Variants in ARL15 observed in about 807,000 individuals in gnomAD.
ARL15 encodes ARF like GTPase 15.
Under a neutral mutation model 25.2 loss-of-function variants are expected in ARL15, and 19 were observed. The ratio of observed to expected loss-of-function variants is 0.75; its 90% CI spans 0.53 to 1.10. The LOEUF (loss-of-function observed/expected upper bound fraction) is 1.10, where lower values mean the gene tolerates loss of function less well. Among genes scored for constraint, ARL15 ranks in the 50% least tolerant of loss-of-function variants. ARL15 has a pLI of 0.00. For missense variants in ARL15, 220 were observed against 246.0 expected (o/e 0.89, Z 0.71); for synonymous variants, 94 against 86.8 (o/e 1.08, Z -0.46).
At chr5:54,154,665 A>G (rs1377597899) in intron 2 of ARL15, 26 bp from the exon 3 acceptor site, 1 of 1,403,426 alleles carries the variant, frequency 7.1e-7, no homozygotes. Flanking sequence ...AAAAACATAA[A>G]AAAAGAATTA....
intron 1 of ARL15, chr5:54,282,272 G>A (rs530552020): frequency 8.6e-4 from 848 of 985,366 alleles, no homozygotes; most frequent in Non-Finnish European, 9.7e-4. Context: ...ATTGCTTACC[G>A]TGTAAATCCC....
intron 1 of ARL15, among the ~76,000 whole-genome samples, chr5:54,307,227 T>C (rs1012638674): frequency 6.6e-6 from 1 of 152,208 alleles, no homozygotes; most frequent in Non-Finnish European, 1.5e-5. Flanking sequence ...AAGGATTATA[T>C]CTTGATCATC....
Position 54,090,492 on chromosome 5 carries a change from A to C in ARL15, c.462+22710T>G, listed in dbSNP as rs1277736364. On this transcript the variant is annotated intron_variant, in intron 4 of 4. Transcript: ENST00000504924. ...GTTACTTCTAGGTGGGAGGTAGAGG[A>C]TGCATGAAAATGAGGGGCTCAGAGA... Among the ~76,000 whole-genome samples, 5 of 151,774 alleles carry C rather than the reference A, an allele frequency of 3.3e-5. No homozygotes were observed. The East Asian group carries it at 7.7e-4, about 23-fold the overall frequency.
In ARL15 at chr5:54,310,552, A is replaced by T; in HGVS notation, c.-73T>A. On this transcript the variant is annotated 5_prime_UTR_variant, in exon 1 of 5. Transcript: ENST00000504924. Reference sequence around the variant, plus strand: ...GCAGCGTCTCTGGCTGCGAGCGAGCAGCTCCTGAAAAAGCCAGCAACAGCG... The same window carrying T: ...GCAGCGTCTCTGGCTGCGAGCGAGCTGCTCCTGAAAAAGCCAGCAACAGCG... 6.6e-7 allele frequency: 1 copy of T among 1,513,804 alleles called. No individual in the cohort carries two copies. The highest frequency in any genetic ancestry group is 8.9e-7 in the Non-Finnish European group (1 of 1,119,488). The allele number at this position is 1,513,804 out of a possible 1,614,324, so 93.8% of individuals were successfully genotyped here. A position where few individuals can be genotyped will look rare whatever the true frequency, so the allele number is the denominator to read the frequency against.
rs1374230600 is a variant in ARL15, at chr5:54,183,540, G to A, written c.49-11612C>T. Among the ~76,000 whole-genome samples the A allele has an allele frequency of 2.0e-5, 3 of 148,192 alleles. No homozygotes were observed. The East Asian group carries it at 6.0e-4, about 30-fold the overall frequency. ...GGATAAGCTTTTTGATGTGCTGCTG[G>A]ATTCGGTTTGCCAGTATTTTATTGA... On this transcript the variant is annotated intron_variant, in intron 1 of 4. Coordinates refer to ENST00000504924, the MANE Select transcript of ARL15 (RefSeq NM_019087.3).
chr5:54,155,770 A>C (rs776430211), intron 2 of ARL15, among the ~76,000 whole-genome samples: 1 of 152,116 alleles, frequency 6.6e-6, no homozygotes, highest in African/African-American at 2.4e-5. Flanking sequence ...ACCAGAGCTA[A>C]TGACTCTCAG....
At chr5:54,212,665 T>C (rs1305826771) in intron 1 of ARL15, among the ~76,000 whole-genome samples, 1 of 152,236 alleles carries the variant, frequency 6.6e-6, no homozygotes, top group Non-Finnish European at 1.5e-5. Context: ...TGTTGGACTA[T>C]TTTTTCTGTT....
At chr5:54,214,398 G>C (rs546054806) in intron 1 of ARL15, among the ~76,000 whole-genome samples, 1 of 152,104 alleles carries the variant, frequency 6.6e-6, no homozygotes, top group East Asian at 1.9e-4. Context: ...ACAGATGAAA[G>C]AACTTCCTTT....
intron 4 of ARL15, among the ~76,000 whole-genome samples, chr5:54,107,150 C>T (rs111763092): frequency 5.3e-5 from 8 of 152,016 alleles, no homozygotes; most frequent in African/African-American, 2.4e-5. Flanking sequence ...AGCGGAACCC[C>T]GTGATAAATC....
chr5:53,959,225 T>G (rs1747279126), intron 4 of ARL15, among the ~76,000 whole-genome samples: 1 of 152,172 alleles, frequency 6.6e-6, no homozygotes, highest in South Asian at 2.1e-4. Context: ...TTAAAAAAAT[T>G]TTGTTTCATT....
rs867371220 is a variant in ARL15 at position 54,023,553 on chromosome 5, A to G, written c.462+89649T>C. Among the ~76,000 whole-genome samples, 12 of 151,768 alleles carry G rather than the reference A, an allele frequency of 7.9e-5. No homozygotes were observed. In the South Asian group the frequency reaches 2.5e-3, roughly 32 times the overall value. ...CATGTGAAAAAAAAAAAAGACATGG[A>G]ACTATATGTACACATTATACCGTTG... On this transcript the variant is annotated intron_variant, in intron 4 of 4. Transcript: ENST00000504924.
chr5:54,142,178 A>C (rs1410895143), intron 3 of ARL15, among the ~76,000 whole-genome samples: 1 of 152,208 alleles, frequency 6.6e-6, no homozygotes. Context: ...AGCTACAGTA[A>C]GTGGAGGAGT....
chr5:53,907,517 A>T (rs113585184), intron 4 of ARL15, among the ~76,000 whole-genome samples: 4,299 of 21,456 alleles, frequency 0.2, 165 homozygotes, highest in Non-Finnish European at 0.25. Context: ...TTTTTTTTTG[A>T]GGCGGACTCT....
intron 4 of ARL15, among the ~76,000 whole-genome samples, chr5:53,977,372 A>C (rs888091916): frequency 5.9e-5 from 9 of 151,918 alleles, no homozygotes; most frequent in Non-Finnish European, 8.8e-5. Context: ...AAAAAAAAAA[A>C]AAAATTCCCA....
intron 4 of ARL15, among the ~76,000 whole-genome samples, chr5:54,029,508 G>C (rs1207133112): frequency 6.6e-6 from 1 of 152,064 alleles, no homozygotes; most frequent in Non-Finnish European, 1.5e-5. Flanking sequence ...TGTAACATAT[G>C]CAATAAATAC....
chr5:54,194,477 A>G (rs1019298246), intron 1 of ARL15, among the ~76,000 whole-genome samples: 2 of 152,084 alleles, frequency 1.3e-5, no homozygotes, highest in Non-Finnish European at 2.9e-5. Context: ...ACATTTTTGA[A>G]TCAAGCTAGA....
At chr5:54,301,374 T>A (rs1286367818) in intron 1 of ARL15, among the ~76,000 whole-genome samples, 1 of 152,138 alleles carries the variant, frequency 6.6e-6, no homozygotes, top group Non-Finnish European at 1.5e-5. Context: ...GCATATATGA[T>A]AAAAAGCCAA....
intron 2 of ARL15, 140 bp downstream of exon 2, chr5:54,171,644 A>G (rs1754720871): frequency 1.9e-6 from 2 of 1,065,598 alleles, no homozygotes; most frequent in South Asian, 4.7e-5. Context: ...TCTTTTTTGA[A>G]AAAGAGATAG....
At chr5:53,970,267 T>C (rs1240994163) in intron 4 of ARL15, among the ~76,000 whole-genome samples, 1 of 152,226 alleles carries the variant, frequency 6.6e-6, no homozygotes, top group Non-Finnish European at 1.5e-5. Context: ...ATGGTTTCAA[T>C]AATTATTTTT....
Sources: gnomAD v4.1 joint callset for allele counts (sites outside exome capture counted in the v4.1 genomes callset) on GRCh38, gnomAD v4.1.1 for gene constraint, MANE v1.5 for transcripts, NCBI Gene and HGNC (gene_info 2026-07-23, HGNC 2026-07-21) for gene names.